Variants in MORN5 observed in about 807,000 individuals in gnomAD.
The protein encoded by MORN5 is MORN repeat containing 5, also known as MORN repeat-containing protein 5.
MORN5 carries 21 observed loss-of-function variants against 22.1 expected under a neutral mutation model. The ratio of observed to expected loss-of-function variants is 0.95; its 90% CI spans 0.67 to 1.37. MORN5 has a LOEUF of 1.37. Among genes scored for constraint, MORN5 ranks in the 40% most tolerant of loss-of-function variants. MORN5 has a pLI of 0.00. For synonymous variants in MORN5, 73 were observed against 74.0 expected (o/e 0.99, Z 0.07); for missense variants, 211 against 215.1 (o/e 0.98, Z 0.12).
intron 4 of MORN5, among the ~76,000 whole-genome samples, chr9:122,181,041 C>A (rs969459752): frequency 6.6e-6 from 1 of 152,244 alleles, no homozygotes; most frequent in Non-Finnish European, 1.5e-5. Flanking sequence ...ACATGATAGA[C>A]AACTTATGAT....
chr9:122,195,078 T>C (rs1442606106), intron 4 of MORN5, among the ~76,000 whole-genome samples: 5 of 151,100 alleles, frequency 3.3e-5, no homozygotes, highest in Middle Eastern at 6.8e-3. Flanking sequence ...GAGGGGACCA[T>C]GAAAGAAAAG....
intron 4 of MORN5, among the ~76,000 whole-genome samples, chr9:122,189,356 G>A (rs1411332905): frequency 6.6e-6 from 1 of 152,196 alleles, no homozygotes; most frequent in Non-Finnish European, 1.5e-5. Context: ...CACCTTGGGA[G>A]GCTAAAGTGG....
intron 4 of MORN5, among the ~76,000 whole-genome samples, chr9:122,188,421 T>C (rs1829685391): frequency 6.6e-6 from 1 of 152,262 alleles, no homozygotes; most frequent in Non-Finnish European, 1.5e-5. Flanking sequence ...CACAGACTTC[T>C]GCAGATTCCT....
intron 4 of MORN5, among the ~76,000 whole-genome samples, chr9:122,198,230 C>T (rs1829938614): frequency 1.3e-5 from 2 of 152,234 alleles, no homozygotes; most frequent in South Asian, 4.1e-4. Flanking sequence ...CTCCATCTCT[C>T]TGCCCCTGGG....
chr9:122,172,569 C>T (rs1318219410), intron 3 of MORN5, among the ~76,000 whole-genome samples: 1 of 152,176 alleles, frequency 6.6e-6, no homozygotes, highest in Non-Finnish European at 1.5e-5. Context: ...CTCAGCTCAA[C>T]GTCCTGAAGC....
rs768016365 is a variant in MORN5, at chr9:122,169,761, C to G, written c.307+5C>G. On this transcript the variant is annotated splice_donor_5th_base_variant and intron_variant, in intron 3 of 4. Coordinates refer to ENST00000373764, the MANE Select transcript of MORN5 (RefSeq NM_198469.4). ...TCAATGGCTTGAAGCCTGCAGGTAC[C>G]CAGGCACCCACCCTTTCCTTCATAC... The G allele has an allele frequency of 1.3e-6, 2 of 1,581,354 alleles. No individual in the cohort carries two copies. The highest frequency in any genetic ancestry group is 1.7e-6 in the Non-Finnish European group (2 of 1,149,960).
At chr9:122,174,281 C>T (rs1332247424) in intron 3 of MORN5, among the ~76,000 whole-genome samples, 12 of 152,188 alleles carry the variant, frequency 7.9e-5, no homozygotes, top group African/African-American at 2.4e-4. Flanking sequence ...CAGAGGGTCT[C>T]GTTCCCAAGA....
intron 3 of MORN5, among the ~76,000 whole-genome samples, 161 bp from the exon 4 acceptor site, chr9:122,174,335 C>T (rs1188114371): frequency 2.0e-5 from 3 of 152,102 alleles, no homozygotes; most frequent in East Asian, 1.9e-4. Context: ...TTTGGGGCAC[C>T]GTTTCTGCTG....
chr9:122,171,410 C>A (rs972093326), intron 3 of MORN5, among the ~76,000 whole-genome samples: 1 of 152,130 alleles, frequency 6.6e-6, no homozygotes, highest in African/African-American at 2.4e-5. Context: ...GCCACTGCCT[C>A]CTCAACATCC....
At chr9:122,183,730 C>G (rs1829569576) in intron 4 of MORN5, among the ~76,000 whole-genome samples, 1 of 152,190 alleles carries the variant, frequency 6.6e-6, no homozygotes, top group Admixed American at 6.5e-5. Flanking sequence ...GCTCACAAAT[C>G]TTTCAAACAG....
Position 122,197,368 on chromosome 9 carries a change from A to C in MORN5, c.440-2517A>C, listed in dbSNP as rs1337913524. Among the ~76,000 whole-genome samples the C allele has an allele frequency of 6.6e-5, 10 of 152,340 alleles. No individual in the cohort carries two copies. Among genetic ancestry groups the C allele is most frequent in the African/African-American group, 1.9e-4 (8 of 41,580 alleles). Reference sequence around the variant, plus strand: ...GACAATCATATTAACATATTCCAACAATCGCAATTTGCAAAATAGTAATCA... The same window carrying C: ...GACAATCATATTAACATATTCCAACCATCGCAATTTGCAAAATAGTAATCA... On this transcript the variant is annotated intron_variant, in intron 4 of 4. Transcript: ENST00000373764. This position sits in a 1 kb window ranked among gnomAD's most constrained non-coding sequence, Gnocchi z 5.7.
intron 2 of MORN5, among the ~76,000 whole-genome samples, chr9:122,168,992 T>G (rs1175623339): frequency 2.6e-5 from 4 of 151,860 alleles, no homozygotes; most frequent in African/African-American, 7.3e-5. Context: ...CCAGTCAGAG[T>G]TCAAAGGCCT....
At chr9:122,175,470 A>G in intron 4 of MORN5, 1 of 985,244 alleles carries the variant, frequency 1.0e-6, no homozygotes, top group Non-Finnish European at 1.2e-6. Context: ...ATAATAGAAC[A>G]TTTTCCTTTA....
intron 4 of MORN5, among the ~76,000 whole-genome samples, chr9:122,178,032 A>G (rs1829479421): frequency 6.6e-6 from 1 of 152,216 alleles, no homozygotes; most frequent in Admixed American, 6.5e-5. Flanking sequence ...AACAAGGATA[A>G]AAGAGGAAAC....
In MORN5 at chr9:122,159,984, AG is replaced by A. The variant is rs1264536382; in HGVS notation, c.15del (p.Ser6AlafsTer8). 21 of 1,613,988 alleles carry A rather than the reference AG, an allele frequency of 1.3e-5. No homozygotes were observed. Among genetic ancestry groups the A allele is most frequent in the Non-Finnish European group, 1.8e-5 (21 of 1,179,998 alleles). ...TAAAAACAGGCGCCATGGAGTACAC[AG>A]GGAGCAAATATATCGGGGAATATGT... MEYT[G>X]SKYIGEYVDG... On this transcript the variant is annotated frameshift_variant, in exon 1 of 5. Transcript: ENST00000373764. LOFTEE classifies it high-confidence loss of function.
intron 4 of MORN5, among the ~76,000 whole-genome samples, chr9:122,194,094 T>C (rs1197974881): frequency 6.6e-6 from 1 of 152,168 alleles, no homozygotes; most frequent in East Asian, 1.9e-4. Flanking sequence ...GCGAGGTCAC[T>C]TCCAAAGCTT....
intron 4 of MORN5, among the ~76,000 whole-genome samples, chr9:122,183,953 A>G (rs1176863126): frequency 6.6e-6 from 1 of 152,202 alleles, no homozygotes; most frequent in African/African-American, 2.4e-5. Context: ...ATTTGAATGC[A>G]CACTCCATTA....
chr9:122,169,407 G>A (rs1350798487), intron 2 of MORN5, among the ~76,000 whole-genome samples: 1 of 152,226 alleles, frequency 6.6e-6, no homozygotes, highest in Non-Finnish European at 1.5e-5. Context: ...AAGGGCCAGA[G>A]AGAGTGGGTC....
chr9:122,174,529 GA>G lies in MORN5; in HGVS notation c.346del (p.Ile116SerfsTer19). The G allele has an allele frequency of 6.2e-7, 1 of 1,614,090 alleles. No homozygotes were observed. The highest frequency in any genetic ancestry group is 1.6e-4 in the Middle Eastern group (1 of 6,062). On this transcript the variant is annotated frameshift_variant, in exon 4 of 5. Coordinates refer to ENST00000373764, the MANE Select transcript of MORN5 (RefSeq NM_198469.4). LOFTEE classifies it high-confidence loss of function. The stretch of plus-strand genomic sequence containing the variant: ...CAACTCACCAATATGGACCCACCTA[GA>G]AAAATCCCCAAGGGCTATTACGATT... ...MAQLTNMDPP[R>X]KIPKGYYDCG...
Sources: allele counts gnomAD v4.1 joint callset (sites outside exome capture counted in the v4.1 genomes callset), GRCh38; gene constraint gnomAD v4.1.1; non-coding constraint Gnocchi (gnomAD v3.1); transcripts MANE v1.5; gene names NCBI Gene and HGNC (gene_info 2026-07-23, HGNC 2026-07-21).